CES5A: variants seen among roughly 807,000 people sequenced by gnomAD.
CES5A encodes carboxylesterase 5A.
Under a neutral mutation model 62.9 loss-of-function variants are expected in CES5A, and 67 were observed. The ratio of observed to expected loss-of-function variants is 1.07; its 90% CI spans 0.88 to 1.31. CES5A has a LOEUF of 1.31. Ranked by LOEUF, CES5A falls within the 50% of genes most tolerant of loss-of-function variation. CES5A has a pLI of 0.00. For missense variants in CES5A, 748 were observed against 708.5 expected, an observed-to-expected ratio of 1.06 and a Z score of -0.63; for synonymous variants, 296 against 280.8, an observed-to-expected ratio of 1.05 and a Z score of -0.54.
At chr16:55,891,866 G>A (rs544732534) in intron 1 of CES5A, among the ~76,000 whole-genome samples, 79 of 152,154 alleles carry the variant, frequency 5.2e-4, no homozygotes, top group South Asian at 8.3e-4. Flanking sequence ...CGTAACATAC[G>A]TGACAAAGAA....
chr16:55,868,884 T>C (rs1187739848), intron 4 of CES5A, among the ~76,000 whole-genome samples: 4 of 152,224 alleles, frequency 2.6e-5, no homozygotes, highest in African/African-American at 9.7e-5. Context: ...GAAATGAGAA[T>C]AACAACAGAG....
chr16:55,871,139 G>A (rs2033574895), intron 3 of CES5A, among the ~76,000 whole-genome samples: 1 of 152,230 alleles, frequency 6.6e-6, no homozygotes, highest in African/African-American at 2.4e-5. Context: ...GCATGAGGAA[G>A]AGAAGAGGAT....
At chr16:55,901,226 A>G (rs1340568796) in intron 1 of CES5A, among the ~76,000 whole-genome samples, 1 of 152,188 alleles carries the variant, frequency 6.6e-6, no homozygotes, top group Non-Finnish European at 1.5e-5. Context: ...CTGCCATGTA[A>G]GACATGACTT....
chr16:55,846,324 A>G lies in CES5A; in HGVS notation c.*127T>C. 1 of 702,090 alleles carries G rather than the reference A, an allele frequency of 1.4e-6. No homozygotes were observed. The highest frequency in any genetic ancestry group is 2.4e-6 in the Non-Finnish European group (1 of 414,176). The allele number at this position is 702,090 out of a possible 1,614,324, so 43.5% of individuals were successfully genotyped here. ...TAAGGATCATTCCTAAGTCCATAAA[A>G]TATCAGCGAAAGCAGCTTGTTTTGC... On this transcript the variant is annotated 3_prime_UTR_variant, in exon 13 of 13. Coordinates refer to ENST00000290567, the MANE Select transcript of CES5A (RefSeq NM_001143685.2).
chr16:55,946,071 T>C (rs2034491710), intron 2 of CES5A, among the ~76,000 whole-genome samples: 1 of 152,228 alleles, frequency 6.6e-6, no homozygotes, highest in Non-Finnish European at 1.5e-5. Flanking sequence ...GGAATTCACT[T>C]AAGCAATAGA....
intron 11 of CES5A, among the ~76,000 whole-genome samples, chr16:55,848,685 A>G (rs79287688): frequency 0.031 from 4,689 of 152,088 alleles, 247 homozygotes; most frequent in African/African-American, 0.1. Context: ...TTCTTTTCTT[A>G]TTAATTTTAG....
chr16:55,878,122 G>T (rs1337277329), upstream of CES5A, among the ~76,000 whole-genome samples: 6 of 152,146 alleles, frequency 3.9e-5, no homozygotes, highest in African/African-American at 1.4e-4. Flanking sequence ...CTCCCAGATT[G>T]CTCTGCTGAA....
chr16:55,910,409 C>G (rs1217366609), intron 1 of CES5A, among the ~76,000 whole-genome samples: 2 of 152,208 alleles, frequency 1.3e-5, no homozygotes, highest in African/African-American at 4.8e-5. Flanking sequence ...TCCAGGAAGC[C>G]TTCTCTGATT....
intron 1 of CES5A, among the ~76,000 whole-genome samples, chr16:55,890,557 C>G (rs1362819426): frequency 1.3e-5 from 2 of 151,436 alleles, no homozygotes; most frequent in East Asian, 1.9e-4. Flanking sequence ...CCAAAACCCA[C>G]AAAGGACCTT....
chr16:55,853,170 T>C (rs2033166972), intron 9 of CES5A, 142 bp from the exon 10 acceptor site: 3 of 801,388 alleles, frequency 3.7e-6, no homozygotes, highest in Non-Finnish European at 5.9e-6. Flanking sequence ...GATGCAAGTA[T>C]CAAAACTAGC....
intron 1 of CES5A, among the ~76,000 whole-genome samples, chr16:55,900,406 A>G (rs2033978568): frequency 6.6e-6 from 1 of 152,212 alleles, no homozygotes; most frequent in Admixed American, 6.5e-5. Flanking sequence ...GAGGCATGTG[A>G]GGAGTACATT....
At chr16:55,923,387 C>A (rs965274446) in intron 1 of CES5A, among the ~76,000 whole-genome samples, 2 of 151,614 alleles carry the variant, frequency 1.3e-5, no homozygotes, top group Admixed American at 1.3e-4. Context: ...CTAGTATGAA[C>A]AACTATACTC....
chr16:55,924,691 T>C (rs897006868), intron 1 of CES5A, among the ~76,000 whole-genome samples: 4 of 151,940 alleles, frequency 2.6e-5, no homozygotes, highest in Non-Finnish European at 5.9e-5. Context: ...CAATTGTAAC[T>C]AAATCAGCGT....
intron 2 of CES5A, among the ~76,000 whole-genome samples, chr16:55,948,944 C>A (rs1200531664): frequency 6.6e-6 from 1 of 152,066 alleles, no homozygotes; most frequent in Non-Finnish European, 1.5e-5. Context: ...GCAGAAGGAG[C>A]GGATTTGGGT....
intron 2 of CES5A, among the ~76,000 whole-genome samples, chr16:55,946,173 C>T (rs1320197841): frequency 6.6e-6 from 1 of 152,150 alleles, no homozygotes; most frequent in Non-Finnish European, 1.5e-5. Context: ...AATATGCAAA[C>T]CAGGATGTTT....
rs7194945 is a variant in CES5A, at chr16:55,875,251, T to C, written c.-30A>G. 0.46 allele frequency: 736,081 copies of C among 1,603,828 alleles called. 175,546 individuals are homozygous for C. The highest frequency in any genetic ancestry group is 0.8 in the East Asian group (35,616 of 44,562). On this transcript the variant is annotated 5_prime_UTR_variant, in exon 1 of 13. Transcript: ENST00000290567. Reference sequence around the variant, plus strand: ...CTGCCTGCCTGCACTCTGTGAACATTGACGGCGGCTGCTGGCCTCAGAGAG... The same window carrying C: ...CTGCCTGCCTGCACTCTGTGAACATCGACGGCGGCTGCTGGCCTCAGAGAG...
At chr16:55,859,940 T>C (rs1194949523) in intron 7 of CES5A, among the ~76,000 whole-genome samples, 1 of 152,210 alleles carries the variant, frequency 6.6e-6, no homozygotes, top group Non-Finnish European at 1.5e-5. Flanking sequence ...ATAATAATAA[T>C]ATCTACCAAG....
chr16:55,864,224 G>C (rs1597119582), intron 5 of CES5A, among the ~76,000 whole-genome samples: 1 of 152,126 alleles, frequency 6.6e-6, no homozygotes, highest in South Asian at 2.1e-4. Flanking sequence ...TGAAAAGTTA[G>C]GTTAATATAA....
chr16:55,909,859 T>A (rs1192643046), intron 1 of CES5A, among the ~76,000 whole-genome samples: 1 of 152,212 alleles, frequency 6.6e-6, no homozygotes, highest in Admixed American at 6.5e-5. Context: ...ATGAGGGATC[T>A]GGACCAGATG....
Sources: gnomAD v4.1 joint callset for allele counts (sites outside exome capture counted in the v4.1 genomes callset) on GRCh38, gnomAD v4.1.1 for gene constraint, MANE v1.5 for transcripts, NCBI Gene and HGNC (gene_info 2026-07-23, HGNC 2026-07-21) for gene names.